Variants in PRRC2B observed in about 807,000 individuals in gnomAD.
PRRC2B encodes the protein protein PRRC2B.
A neutral mutation model predicts 242.3 loss-of-function variants in PRRC2B; 68 were observed. The observed-to-expected ratio is 0.28, with a 90% CI of 0.23 to 0.34. The LOEUF (loss-of-function observed/expected upper bound fraction) is 0.34, where lower values mean the gene tolerates loss of function less well. PRRC2B is among the 10% of genes least tolerant of loss of function. The pLI, the probability that PRRC2B is intolerant of heterozygous loss-of-function variation, is 1.00. For synonymous variants in PRRC2B, 1,228 were observed against 1,173.6 expected, an observed-to-expected ratio of 1.05 and a Z score of -0.95; for missense variants, 2,835 against 2,954.8, an observed-to-expected ratio of 0.96 and a Z score of 0.94.
In PRRC2B at chr9:131,400,360, G is replaced by A. The variant is rs553274462; in HGVS notation, c.-52+6097G>A. ...TTGAGATGGCATCTTGTTCTGTTGC[G>A]CAGGCTGGAGTGCAGCCGTGCGATC... On this transcript the variant is annotated intron_variant, in intron 1 of 31. Transcript: ENST00000683519. 3.3e-5 allele frequency among the ~76,000 whole-genome samples: 5 copies of A among 150,736 alleles called. No individual in the cohort carries two copies. In the South Asian group the frequency reaches 6.3e-4, roughly 19 times the overall value.
At chr9:131,461,860 A>C (rs867094564) in intron 11 of PRRC2B, among the ~76,000 whole-genome samples, 2 of 152,282 alleles carry the variant, frequency 1.3e-5, no homozygotes, top group South Asian at 2.1e-4. Flanking sequence ...TCTATTCCAC[A>C]TTCTTATAAA....
intron 1 of PRRC2B, among the ~76,000 whole-genome samples, chr9:131,395,714 A>G (rs1209853521): frequency 6.6e-6 from 1 of 152,204 alleles, no homozygotes; most frequent in Non-Finnish European, 1.5e-5. Context: ...GTGCTGGCCT[A>G]AGGCATGGAC....
intron 1 of PRRC2B, among the ~76,000 whole-genome samples, chr9:131,400,538 G>A (rs897009649): frequency 2.0e-5 from 3 of 151,984 alleles, no homozygotes; most frequent in Non-Finnish European, 2.9e-5. Context: ...GGCTGGTCTC[G>A]AAATCCTGAC....
In PRRC2B at chr9:131,400,917, G is replaced by A. The variant is rs138169735; in HGVS notation, c.-52+6654G>A. The stretch of plus-strand genomic sequence containing the variant: ...TCTGGTGGGGAGGAGGCCCTGGAGA[G>A]CCCCCCACCTAACTTTGGCCTCATC... On this transcript the variant is annotated intron_variant, in intron 1 of 31. Coordinates refer to ENST00000683519, the MANE Select transcript of PRRC2B (RefSeq NM_013318.4). Among the ~76,000 whole-genome samples, 1,387 of 151,868 alleles carry A rather than the reference G, an allele frequency of 9.1e-3. 25 individuals carry two copies. The highest frequency in any genetic ancestry group is 0.032 in the African/African-American group (1,337 of 41,400).
chr9:131,483,621 A>G (rs570625004), intron 23 of PRRC2B, among the ~76,000 whole-genome samples, 176 bp downstream of exon 23: 1 of 152,294 alleles, frequency 6.6e-6, no homozygotes, highest in African/African-American at 2.4e-5. Context: ...GTGACCTTCC[A>G]GTGGGGATCA....
chr9:131,478,649 G>GGGGGGGGGCCCCGGGCC, intron 18 of PRRC2B, 30 bp downstream of exon 18: 4 of 504,548 alleles, frequency 7.9e-6, no homozygotes, highest in East Asian at 1.0e-4. Context: ...GGGGCATGGG[G>GGGGGGGGGCCCCGGGCC]CTGGAGGGCA....
chr9:131,375,554 G>A (rs952955927), intron 1 of PRRC2B, among the ~76,000 whole-genome samples: 3 of 152,294 alleles, frequency 2.0e-5, no homozygotes, highest in East Asian at 1.9e-4. Context: ...AATGGGTGTT[G>A]TCTCAGAGCA....
intron 2 of PRRC2B, 36 bp from the exon 3 acceptor site, chr9:131,432,581 T>C (rs1838213938): frequency 6.3e-7 from 1 of 1,589,382 alleles, no homozygotes; most frequent in Non-Finnish European, 8.6e-7. Flanking sequence ...TGTGACCTTT[T>C]TGCATGGTGT....
At chr9:131,479,121 G>C in intron 18 of PRRC2B, 131 bp from the exon 19 acceptor site, 1 of 895,040 alleles carries the variant, frequency 1.1e-6, no homozygotes, top group Non-Finnish European at 1.7e-6. Context: ...GGTTTTGGGA[G>C]ACGAGCGTTC....
chr9:131,437,681 C>G (rs1402209511), intron 4 of PRRC2B, among the ~76,000 whole-genome samples: 1 of 152,222 alleles, frequency 6.6e-6, no homozygotes, highest in African/African-American at 2.4e-5. Context: ...GGCACCCTCT[C>G]CCCACCTAAC....
intron 1 of PRRC2B, among the ~76,000 whole-genome samples, chr9:131,406,758 G>T (rs977090569): frequency 6.6e-6 from 1 of 152,018 alleles, no homozygotes; most frequent in African/African-American, 2.4e-5. Context: ...TCAGTTCACC[G>T]AGATCTTAAA....
intron 10 of PRRC2B, among the ~76,000 whole-genome samples, chr9:131,457,972 G>A (rs1055996570): frequency 2.6e-5 from 4 of 152,018 alleles, no homozygotes; most frequent in Non-Finnish European, 4.4e-5. Context: ...CCTGATTCCC[G>A]CTTTTCTCTG....
upstream of PRRC2B, among the ~76,000 whole-genome samples, chr9:131,389,134 G>A (rs1836866233): frequency 1.4e-5 from 2 of 146,240 alleles, no homozygotes; most frequent in African/African-American, 2.5e-5. Context: ...GAGCCACTGC[G>A]CCTGGCTCCT....
chr9:131,430,053 T>TC (rs1342822264), intron 1 of PRRC2B, 41 bp from the exon 2 acceptor site: 10 of 657,386 alleles, frequency 1.5e-5, no homozygotes, highest in African/African-American at 1.1e-4. Flanking sequence ...TTTTTTTTTT[T>TC]CTCTCTCTTT....
At position 131,483,391 on chromosome 9, in the gene PRRC2B, C is replaced by T. The variant is rs1943928053; in HGVS notation, c.5406C>T (p.Ala1802=). 12 of 1,613,828 alleles carry T rather than the reference C, an allele frequency of 7.4e-6. No individual in the cohort carries two copies. Among genetic ancestry groups the T allele is most frequent in the Non-Finnish European group, 1.0e-5 (12 of 1,179,896 alleles). The change falls in exon 23 of 32, where the codon GCC becomes GCT. Residue 1802 remains alanine, a synonymous_variant. Coordinates refer to ENST00000683519, the MANE Select transcript of PRRC2B (RefSeq NM_013318.4). ...ATTTCAGCTTGCCACCTGGTTCTGCCTCTGGTCCTACTGGGAGTCCAGTTG... is the reference window on the plus strand; with the variant it reads ...ATTTCAGCTTGCCACCTGGTTCTGCTTCTGGTCCTACTGGGAGTCCAGTTG... The part of the protein sequence containing the change: ...DSDFSLPPGS[A]SGPTGSPVVK...
chr9:131,411,736 C>G (rs1003441166), intron 1 of PRRC2B, among the ~76,000 whole-genome samples: 1 of 152,166 alleles, frequency 6.6e-6, no homozygotes, highest in Non-Finnish European at 1.5e-5. Flanking sequence ...GGTTTTCCAG[C>G]TCTTGGGGTT....
In PRRC2B at chr9:131,475,235, C is replaced by G. The variant is rs762842226; in HGVS notation, c.3106C>G (p.Arg1036Gly). ...CAAGGCCTGGGAAGCCAGACCCCCA[C>G]GAGAGTCCAGCGATGTTCCCCCCAT... Reference protein sequence around the residue: ...PDKAWEARPPRESSDVPPMKR... With the variant: ...PDKAWEARPPGESSDVPPMKR... The change falls in exon 16 of 32, where the codon CGA becomes GGA. Residue 1036 changes from arginine to glycine, a missense_variant. This residue lies in a region of PRRC2B where 1,536 missense variants were observed against 1,483.1 expected (regional missense o/e 1.04). Transcript: ENST00000683519. 22 of 1,613,642 alleles carry G rather than the reference C, an allele frequency of 1.4e-5. No homozygotes were observed. Among genetic ancestry groups the G allele is most frequent in the Non-Finnish European group, 1.9e-5 (22 of 1,179,872 alleles).
At position 131,475,568 on chromosome 9, in the gene PRRC2B, C is replaced by G; in HGVS notation, c.3439C>G (p.Arg1147Gly). The G allele has an allele frequency of 6.2e-7, 1 of 1,612,790 alleles. No homozygotes were observed. Among genetic ancestry groups the G allele is most frequent in the African/African-American group, 1.3e-5 (1 of 75,042 alleles). Residue 1147 changes from arginine to glycine, a missense_variant, in exon 16 of 32, where the codon CGC (arginine) becomes GGC (glycine). Physicochemically the swap from Arg to Gly is moderately radical, Grantham distance 125. This residue lies in a region of PRRC2B where 1,536 missense variants were observed against 1,483.1 expected (regional missense o/e 1.04). Coordinates refer to ENST00000683519, the MANE Select transcript of PRRC2B (RefSeq NM_013318.4). ...CTCAGAGTATGAAGAACTTCCCAAG[C>G]GCCGCCGGCAGAGGGGCTCCGAGAA... is the stretch of plus-strand genomic sequence containing the variant. Reference protein sequence around the residue: ...EGSEYEELPKRRRQRGSENGN... With the variant: ...EGSEYEELPKGRRQRGSENGN...
chr9:131,407,151 C>T (rs1837386444), intron 1 of PRRC2B, among the ~76,000 whole-genome samples: 2 of 152,166 alleles, frequency 1.3e-5, no homozygotes, highest in African/African-American at 4.8e-5. Context: ...TAAAGTTCAG[C>T]AGTGGCATAG....
Sources: allele counts gnomAD v4.1 joint callset (sites outside exome capture counted in the v4.1 genomes callset), GRCh38; gene constraint gnomAD v4.1.1; regional missense constraint gnomAD v4.1.1; transcripts MANE v1.5; gene names NCBI Gene and HGNC (gene_info 2026-07-23, HGNC 2026-07-21).